The following MTUS1 variants were observed in gnomAD, a reference collection of about 807,000 sequenced individuals.
MTUS1 encodes the protein microtubule associated scaffold protein 1, also known as microtubule-associated tumor suppressor 1.
A neutral mutation model predicts 120.8 loss-of-function variants in MTUS1; 109 were observed. The ratio of observed to expected loss-of-function variants is 0.90; its 90% CI spans 0.77 to 1.06. MTUS1 has a LOEUF of 1.06. Ranked by LOEUF, MTUS1 falls within the 50% of genes least tolerant of loss-of-function variation. MTUS1 has a pLI of 0.00. For synonymous variants in MTUS1, 737 were observed against 550.5 expected (o/e 1.34, Z -4.74); for missense variants, 2,210 against 1,486.3 (o/e 1.49, Z -8.01).
At position 17,755,215 on chromosome 8, in the gene MTUS1, C is replaced by T. The variant is rs773220089; in HGVS notation, c.593G>A (p.Gly198Glu). 3.7e-6 allele frequency: 6 copies of T among 1,614,172 alleles called. No homozygotes were observed. The South Asian group carries it at 6.6e-5, about 18-fold the overall frequency. The change falls in exon 2 of 15, where the codon GGA becomes GAA. Residue 198 changes from glycine to glutamate, a missense_variant. Transcript: ENST00000693296. ...GSLPPTGRRSGSTSSLSYSTW... is the reference protein window; with the variant it reads ...GSLPPTGRRSESTSSLSYSTW... ...GGAATAGGATAAAGAAGATGTACTT[C>T]CACTTCTCCTACCAGTTGGTGGCAG...
intron 8 of MTUS1, among the ~76,000 whole-genome samples, chr8:17,663,622 G>T (rs1330356853): frequency 1.4e-5 from 2 of 143,920 alleles, no homozygotes; most frequent in African/African-American, 5.3e-5. Context: ...TTGAGACAGA[G>T]GCTTCCTCTA....
chr8:17,680,464 C>CAAAAAAA (rs58490523), intron 7 of MTUS1, among the ~76,000 whole-genome samples: 8 of 24,302 alleles, frequency 3.3e-4, no homozygotes, highest in Non-Finnish European at 6.0e-4. Context: ...GCCACTGTCG[C>CAAAAAAA]AAAAAAAAAA....
intron 7 of MTUS1, among the ~76,000 whole-genome samples, chr8:17,679,794 T>A (rs1585632756): frequency 6.6e-6 from 1 of 152,172 alleles, no homozygotes; most frequent in African/African-American, 2.4e-5. Flanking sequence ...TGAGCCACCA[T>A]GCCTAGCCTC....
chr8:17,671,742 A>C (rs113489802), intron 8 of MTUS1, among the ~76,000 whole-genome samples: 13 of 152,270 alleles, frequency 8.5e-5, no homozygotes, highest in African/African-American at 3.1e-4. Flanking sequence ...ACCTTGTCTC[A>C]ACTTTCATTG....
chr8:17,789,905 G>A lies in MTUS1; in HGVS notation c.-155+11156C>T, dbSNP rs1270766770. ...TGACTGATATTCAGCTGAAACTGTG[G>A]TTTTGTGAGGGCATTCGTCTCTTCC... is the stretch of plus-strand genomic sequence containing the variant. On this transcript the variant is annotated intron_variant, in intron 1 of 14. Transcript: ENST00000693296. 2.0e-5 allele frequency among the ~76,000 whole-genome samples: 3 copies of A among 152,108 alleles called. No homozygotes were observed. The South Asian group carries it at 6.2e-4, about 32-fold the overall frequency.
chr8:17,655,173 C>T (rs995369074), intron 9 of MTUS1: 1 of 153,646 alleles, frequency 6.5e-6, no homozygotes, highest in Non-Finnish European at 1.4e-5. Context: ...GGAGTAGGCA[C>T]TCTGTAGATA....
At chr8:17,797,581 T>G (rs1586468546) in intron 1 of MTUS1, among the ~76,000 whole-genome samples, 1 of 152,086 alleles carries the variant, frequency 6.6e-6, no homozygotes, top group African/African-American at 2.4e-5. Flanking sequence ...TCCCATCTAG[T>G]CCTTCATTTC....
rs371709603 is a variant in MTUS1 at position 17,786,149 on chromosome 8, C to T, written c.-155+14912G>A. 3.3e-5 allele frequency among the ~76,000 whole-genome samples: 5 copies of T among 152,016 alleles called. 1 individual carries two copies. The East Asian group carries it at 5.8e-4, about 18-fold the overall frequency. On this transcript the variant is annotated intron_variant, in intron 1 of 14. Transcript: ENST00000693296. Reference sequence around the variant, plus strand: ...AGCGAGACCCCATCTCTGGAAAAAACAAACAAAAAAAAGCAGCTTAGAACA... The same window carrying T: ...AGCGAGACCCCATCTCTGGAAAAAATAAACAAAAAAAAGCAGCTTAGAACA...
At chr8:17,721,279 A>G (rs1203923584) in intron 4 of MTUS1, among the ~76,000 whole-genome samples, 1 of 152,234 alleles carries the variant, frequency 6.6e-6, no homozygotes, top group Admixed American at 6.5e-5. Context: ...GTTTTGAGGT[A>G]GCCTTTAAAA....
At chr8:17,774,202 C>T (rs1477028621) in intron 1 of MTUS1, among the ~76,000 whole-genome samples, 2 of 152,298 alleles carry the variant, frequency 1.3e-5, no homozygotes, top group African/African-American at 4.8e-5. Flanking sequence ...CCCAGGCTGG[C>T]CTCCAATCTG....
intron 12 of MTUS1, among the ~76,000 whole-genome samples, chr8:17,650,782 T>C (rs960886221): frequency 6.6e-6 from 1 of 152,178 alleles, no homozygotes; most frequent in African/African-American, 2.4e-5. Flanking sequence ...CAGTGTGGAT[T>C]TCCCACCACC....
At chr8:17,774,358 G>C (rs1416355216) in intron 1 of MTUS1, among the ~76,000 whole-genome samples, 1 of 152,156 alleles carries the variant, frequency 6.6e-6, no homozygotes, top group Admixed American at 6.5e-5. Context: ...TTTCCTACTT[G>C]ATTCTGGCTA....
intron 7 of MTUS1, among the ~76,000 whole-genome samples, chr8:17,680,719 C>T (rs865980585): frequency 3.3e-5 from 5 of 152,014 alleles, no homozygotes; most frequent in African/African-American, 7.3e-5. Context: ...ATAAAGGCCT[C>T]GGCTTGTGTT....
intron 7 of MTUS1, among the ~76,000 whole-genome samples, chr8:17,683,452 G>A (rs1334756958): frequency 6.6e-6 from 1 of 152,116 alleles, no homozygotes; most frequent in African/African-American, 2.4e-5. Context: ...CAACCAAACT[G>A]AACAGTTTTC....
At chr8:17,721,750 C>T in intron 4 of MTUS1, 1 of 1,612,242 alleles carries the variant, frequency 6.2e-7, no homozygotes, top group Non-Finnish European at 8.5e-7. Context: ...AGGAATTATA[C>T]AAAGGCTGTA....
In MTUS1 at chr8:17,750,161, G is replaced by A. The variant is rs139169976; in HGVS notation, c.2091+3556C>T. ...ATAAAGCCCAATGCCGATGGCAGTC[G>A]AATTCATACATTAGGTGAATTCAAC... On this transcript the variant is annotated intron_variant, in intron 2 of 14. Transcript: ENST00000693296. 9.1e-4 allele frequency among the ~76,000 whole-genome samples: 138 copies of A among 152,232 alleles called. 1 individual carries two copies. The highest frequency in any genetic ancestry group is 3.1e-3 in the African/African-American group (129 of 41,536).
chr8:17,658,283 C>T lies in MTUS1; in HGVS notation c.2906-2218G>A, dbSNP rs118141466. On this transcript the variant is annotated intron_variant, in intron 8 of 14. Coordinates refer to ENST00000693296, the MANE Select transcript of MTUS1 (RefSeq NM_001363059.2). ...ACTCCTGACCTCGTGATGCGCCTGCCTCGGCCTCCCAGTTAATATATTTTA... is the reference window on the plus strand; with the variant it reads ...ACTCCTGACCTCGTGATGCGCCTGCTTCGGCCTCCCAGTTAATATATTTTA... 6.3e-3 allele frequency among the ~76,000 whole-genome samples: 959 copies of T among 152,256 alleles called. 26 individuals are homozygous for T. The South Asian group carries it at 0.074, about 12-fold the overall frequency.
chr8:17,748,969 C>T (rs2047979567), intron 2 of MTUS1, among the ~76,000 whole-genome samples: 2 of 152,164 alleles, frequency 1.3e-5, no homozygotes, highest in South Asian at 2.1e-4. Context: ...CTACAATTTG[C>T]AATTCTCCCT....
intron 1 of MTUS1, among the ~76,000 whole-genome samples, chr8:17,756,422 G>A (rs752753089): frequency 7.9e-5 from 12 of 151,978 alleles, no homozygotes; most frequent in Non-Finnish European, 1.2e-4. Context: ...TTATTTCCAT[G>A]CAGAGTGATT....
Sources: gnomAD v4.1 joint callset for allele counts (sites outside exome capture counted in the v4.1 genomes callset) on GRCh38, gnomAD v4.1.1 for gene constraint, MANE v1.5 for transcripts, NCBI Gene and HGNC (gene_info 2026-07-23, HGNC 2026-07-21) for gene names.